Variants in WDR44 observed in about 807,000 individuals in gnomAD.
The protein encoded by WDR44 is WD repeat-containing protein 44.
In WDR44, 9 loss-of-function variants were observed where a neutral mutation model predicts 65.7. That is an observed-to-expected ratio of 0.14 (90% CI 0.08 to 0.24). WDR44 has a LOEUF of 0.24. Ranked by LOEUF, WDR44 falls within the 10% of genes least tolerant of loss-of-function variation. WDR44 has a pLI of 1.00. For missense variants in WDR44, 425 were observed against 670.9 expected (o/e 0.63, Z 4.05); for synonymous variants, 220 against 235.2 (o/e 0.94, Z 0.59).
chrX:118,370,591 C>CT lies in WDR44; in HGVS notation c.78-7816dup, dbSNP rs1233714093. Among the ~76,000 whole-genome samples, 860 of 103,095 alleles carry CT rather than the reference C, an allele frequency of 8.3e-3. 9 individuals are homozygous for CT. Among genetic ancestry groups the CT allele is most frequent in the African/African-American group, 0.027 (784 of 28,572 alleles). The allele number at this position is 103,095 out of a possible 115,157, so 89.5% of individuals were successfully genotyped here. ...AACCATGAGCTAAAATAATAAACCT[C>CT]TTTTTTTTTTTTAGACAGAGTCTCG... is the stretch of plus-strand genomic sequence containing the variant. On this transcript the variant is annotated intron_variant, in intron 1 of 19. Transcript: ENST00000254029.
intron 12 of WDR44, among the ~76,000 whole-genome samples, chrX:118,427,270 CT>C (rs760339863): frequency 0.011 from 980 of 87,914 alleles, 14 homozygotes; most frequent in African/African-American, 0.035. Flanking sequence ...CCATGCCTGG[CT>C]TTTTTTTTTT....
chrX:118,423,470 T>C (rs941682200), intron 12 of WDR44, among the ~76,000 whole-genome samples: 1 of 112,029 alleles, frequency 8.9e-6, no homozygotes, highest in South Asian at 3.7e-4. Context: ...TGCCAGGCTA[T>C]AAGTTAATTT....
At chrX:118,426,374 T>C (rs4825381) in intron 12 of WDR44, among the ~76,000 whole-genome samples, 29,452 of 110,683 alleles carry the variant, frequency 0.27, 3,172 homozygotes, top group African/African-American at 0.39. Flanking sequence ...TATACTCTTC[T>C]ATCTACTTTT....
chrX:118,363,461 T>C (rs1204244947), intron 1 of WDR44, among the ~76,000 whole-genome samples: 1 of 108,527 alleles, frequency 9.2e-6, no homozygotes, highest in Non-Finnish European at 1.9e-5. Context: ...CAACATATTG[T>C]TTAGGGATAC....
chrX:118,413,626 C>T (rs547706428), intron 12 of WDR44, among the ~76,000 whole-genome samples: 47 of 111,986 alleles, frequency 4.2e-4, no homozygotes, highest in South Asian at 1.1e-3. Context: ...TTTTCTCCCA[C>T]TCTGTGGGTT....
intron 17 of WDR44, among the ~76,000 whole-genome samples, chrX:118,443,123 T>G (rs771145311): frequency 3.1e-4 from 35 of 111,831 alleles, no homozygotes; most frequent in Non-Finnish European, 6.2e-4. Context: ...TATTCAAAAC[T>G]TTACATATCA....
At chrX:118,407,145 G>A (rs2056974108) in intron 10 of WDR44, 119 bp downstream of exon 10, 2 of 684,022 alleles carry the variant, frequency 2.9e-6, no homozygotes, top group Non-Finnish European at 2.2e-6. Context: ...CAAGAACGGG[G>A]AATTTATGTT....
At chrX:118,396,016 G>A (rs1249063618) in intron 6 of WDR44, among the ~76,000 whole-genome samples, 1 of 97,032 alleles carries the variant, frequency 1.0e-5, no homozygotes, top group African/African-American at 4.4e-5. Flanking sequence ...AGCAAGACTC[G>A]GTCTCAAGAA....
intron 12 of WDR44, among the ~76,000 whole-genome samples, chrX:118,422,613 A>C (rs1362041636): frequency 2.8e-5 from 3 of 108,911 alleles, no homozygotes; most frequent in African/African-American, 1.0e-4. Flanking sequence ...AATTGCTTCA[A>C]CCGGGAGGCG....
rs543892923 is a variant in WDR44, at chrX:118,418,450, C to G, written c.1737+7491C>G. On this transcript the variant is annotated intron_variant, in intron 12 of 19. Coordinates refer to ENST00000254029, the MANE Select transcript of WDR44 (RefSeq NM_019045.5). ...AGCCGAGCTGCAGGGATTGTTATCTCTCTTCTGGGTCTAGCCACCCAGCAA... is the reference window on the plus strand; with the variant it reads ...AGCCGAGCTGCAGGGATTGTTATCTGTCTTCTGGGTCTAGCCACCCAGCAA... 1.4e-4 allele frequency among the ~76,000 whole-genome samples: 15 copies of G among 111,030 alleles called. No individual in the cohort carries two copies. The South Asian group carries it at 5.0e-3, about 37-fold the overall frequency.
chrX:118,368,819 C>T (rs902512397), intron 1 of WDR44, among the ~76,000 whole-genome samples: 28 of 101,839 alleles, frequency 2.7e-4, no homozygotes, highest in African/African-American at 6.3e-4. Flanking sequence ...CGGGTTCAAG[C>T]GACACTCCTG....
chrX:118,429,652 A>C (rs1331099009), intron 12 of WDR44, among the ~76,000 whole-genome samples: 2 of 110,348 alleles, frequency 1.8e-5, no homozygotes, highest in Non-Finnish European at 3.8e-5. Context: ...TTCATGTTCC[A>C]GGGCATTCAT....
intron 1 of WDR44, 128 bp downstream of exon 1, chrX:118,346,708 G>T (rs2056354154): frequency 1.1e-5 from 6 of 541,501 alleles, no homozygotes; most frequent in Admixed American, 9.2e-5. Context: ...CTCACTGGAG[G>T]ACTTCAGAAC....
Position 118,406,891 on chromosome X carries a change from A to T in WDR44, c.1398A>T (p.Gln466His). 8.3e-7 allele frequency: 1 copy of T among 1,210,204 alleles called. No individual in the cohort carries two copies. Among genetic ancestry groups the T allele is most frequent in the East Asian group, 3.0e-5 (1 of 33,836 alleles). ...TCTGTTCAGTGTTTCATACTGATCA[A>T]GATGATCCTTCATCAAGTGATGATG... is the stretch of plus-strand genomic sequence containing the variant. ...SVRDEVFHTD[Q>H]DDPSSSDDEG... Residue 466 changes from glutamine to histidine, a missense_variant, in exon 10 of 20, where the codon CAA (glutamine) becomes CAT (histidine). By Grantham distance (24) the Gln-to-His change is conservative (BLOSUM62 0). This residue lies in a region of WDR44 where 77 missense variants were observed against 183.5 expected (regional missense o/e 0.42). Coordinates refer to ENST00000254029, the MANE Select transcript of WDR44 (RefSeq NM_019045.5).
chrX:118,437,764 G>A (rs1302389282), intron 14 of WDR44, among the ~76,000 whole-genome samples: 10 of 111,799 alleles, frequency 8.9e-5, no homozygotes, highest in Admixed American at 3.8e-4. Context: ...AGGGCCAGGC[G>A]CGGTGGCTCA....
chrX:118,353,560 A>G (rs980097359), intron 1 of WDR44, among the ~76,000 whole-genome samples: 1 of 111,988 alleles, frequency 8.9e-6, no homozygotes, highest in East Asian at 2.8e-4. Flanking sequence ...TTTGTCTCCA[A>G]ACCTTTTTAA....
intron 1 of WDR44, among the ~76,000 whole-genome samples, chrX:118,355,934 A>G (rs1462431384): frequency 8.9e-6 from 1 of 111,938 alleles, no homozygotes; most frequent in Non-Finnish European, 1.9e-5. Flanking sequence ...CCCAGTAAAT[A>G]TTAAATGTTA....
At chrX:118,386,708 G>A (rs944160326) in intron 2 of WDR44, among the ~76,000 whole-genome samples, 21 of 111,703 alleles carry the variant, frequency 1.9e-4, no homozygotes, top group Non-Finnish European at 3.6e-4. Context: ...ATAAAAGTAC[G>A]TAGAAGTTCT....
intron 1 of WDR44, among the ~76,000 whole-genome samples, chrX:118,349,808 A>G (rs1427541920): frequency 9.0e-6 from 1 of 111,605 alleles, no homozygotes; most frequent in Non-Finnish European, 1.9e-5. Context: ...TCGGCCTCCC[A>G]CAGTGCTGGG....
Sources: allele counts gnomAD v4.1 joint callset (sites outside exome capture counted in the v4.1 genomes callset), GRCh38; gene constraint gnomAD v4.1.1; regional missense constraint gnomAD v4.1.1; transcripts MANE v1.5; gene names NCBI Gene and HGNC (gene_info 2026-07-23, HGNC 2026-07-21).